The following IQCF1 variants were observed in gnomAD, a reference collection of about 807,000 sequenced individuals.
The protein encoded by IQCF1 is IQ motif containing F1.
IQCF1 carries 9 observed loss-of-function variants against 12.5 expected under a neutral mutation model. The observed-to-expected ratio is 0.72, with a 90% CI of 0.43 to 1.26. The LOEUF is 1.26. Among genes scored for constraint, IQCF1 ranks in the 50% most tolerant of loss-of-function variants. The probability of loss-of-function intolerance (pLI) is 0.00; values close to 1 mark genes in which losing one functional copy is unlikely to be tolerated. For missense variants in IQCF1, 252 were observed against 257.4 expected, an observed-to-expected ratio of 0.98 and a Z score of 0.14; for synonymous variants, 67 against 96.2, an observed-to-expected ratio of 0.70 and a Z score of 1.78.
chr3:51,897,034 T>A, intron 2 of IQCF1, 140 bp from the exon 3 acceptor site: 1 of 705,142 alleles, frequency 1.4e-6, no homozygotes, highest in Non-Finnish European at 2.5e-6. Context: ...GCCTTCTACT[T>A]TTAAACTTAA....
At position 51,903,288 on chromosome 3, in the gene IQCF1, T is replaced by TGG; in HGVS notation, c.-17_-16insCC. ...CTCTTACCATTGGTCACATATGGATTGATTGTAGATGGTTCAAATCCCCTC... is the reference window on the plus strand; with the variant it reads ...CTCTTACCATTGGTCACATATGGATTGGGATTGTAGATGGTTCAAATCCCCTC... On this transcript the variant is annotated 5_prime_UTR_variant, in exon 1 of 4. The change creates a premature stop within an existing upstream ORF in the 5' untranslated region. Coordinates refer to ENST00000310914, the MANE Select transcript of IQCF1 (RefSeq NM_152397.3). 2 of 1,613,948 alleles carry TGG rather than the reference T, an allele frequency of 1.2e-6. No homozygotes were observed. The highest frequency in any genetic ancestry group is 1.7e-6 in the Non-Finnish European group (2 of 1,179,806).
At position 51,896,828 on chromosome 3, in the gene IQCF1, A is replaced by C. The variant is rs1424587426; in HGVS notation, c.171+4T>G. ...CCAGCCCTGTGTGGTTTGGGAGGTC[A>C]TACTTTTTCTGATTTCTCATTGGCA... is the stretch of plus-strand genomic sequence containing the variant. On this transcript the variant is annotated splice_donor_region_variant and intron_variant, in intron 3 of 3. Transcript: ENST00000310914. 1.2e-6 allele frequency: 2 copies of C among 1,610,124 alleles called. No homozygotes were observed. Among genetic ancestry groups the C allele is most frequent in the African/African-American group, 1.3e-5 (1 of 74,808 alleles).
intron 2 of IQCF1, among the ~76,000 whole-genome samples, chr3:51,897,482 T>C (rs574027405): frequency 1.6e-4 from 25 of 152,392 alleles, no homozygotes; most frequent in Admixed American, 3.9e-4. Flanking sequence ...GGGTGGTCTC[T>C]GGTTCTCCAA....
Position 51,894,892 on chromosome 3 carries a change from A to G in IQCF1, c.616T>C (p.Ter206ArgextTer?), listed in dbSNP as rs145152669. 3.6e-5 allele frequency: 58 copies of G among 1,612,576 alleles called. No homozygotes were observed. The African/African-American group carries it at 7.1e-4, about 20-fold the overall frequency. ...GAGACTATCTGGAAAAGACCACTTC[A>G]TTCCTTTATTGAGAAGGGAATACAC... ...TECIPFSIKE* is the reference protein window; with the variant it reads ...TECIPFSIKER The change falls in exon 4 of 4, where the codon TGA (stop) becomes CGA (arginine). Residue 206 changes from the stop codon to arginine (R), a stop_lost. Transcript: ENST00000310914.
intron 3 of IQCF1, among the ~76,000 whole-genome samples, chr3:51,896,206 T>C (rs1699000759): frequency 6.6e-6 from 1 of 152,340 alleles, no homozygotes. Flanking sequence ...CACAATCTTT[T>C]ATCTTAACCC....
At chr3:51,901,627 G>A (rs1424788149) in intron 2 of IQCF1, among the ~76,000 whole-genome samples, 6 of 152,142 alleles carry the variant, frequency 3.9e-5, no homozygotes, top group Admixed American at 3.3e-4. Flanking sequence ...ATAAGACATC[G>A]TAAAGTGAGA....
chr3:51,902,945 G>T, intron 2 of IQCF1, 40 bp downstream of exon 2: 1 of 1,442,432 alleles, frequency 6.9e-7, no homozygotes, highest in Non-Finnish European at 9.8e-7. Context: ...CTAGCACTAG[G>T]ACATGGGATC....
At chr3:51,901,090 A>C (rs1699070460) in intron 2 of IQCF1, among the ~76,000 whole-genome samples, 1 of 152,218 alleles carries the variant, frequency 6.6e-6, no homozygotes, top group African/African-American at 2.4e-5. Flanking sequence ...CCAAGATGCA[A>C]ATGTCTGGTT....
chr3:51,902,103 A>G (rs1187937920), intron 2 of IQCF1, among the ~76,000 whole-genome samples: 1 of 152,218 alleles, frequency 6.6e-6, no homozygotes, highest in Admixed American at 6.5e-5. Flanking sequence ...AAAGTGGTTC[A>G]GTAAATGGAA....
At chr3:51,902,951 G>C (rs2106647454) in intron 2 of IQCF1, 34 bp downstream of exon 2, 1 of 1,488,420 alleles carries the variant, frequency 6.7e-7, no homozygotes, top group East Asian at 2.3e-5. Flanking sequence ...CTAGGACATG[G>C]GATCAATGAC....
chr3:51,902,158 G>A (rs1252451142), intron 2 of IQCF1, among the ~76,000 whole-genome samples: 3 of 152,204 alleles, frequency 2.0e-5, no homozygotes, highest in Non-Finnish European at 4.4e-5. Flanking sequence ...GCCGCAATGG[G>A]TGTATTTATT....
chr3:51,897,858 C>T (rs918782277), intron 2 of IQCF1, among the ~76,000 whole-genome samples: 3 of 152,144 alleles, frequency 2.0e-5, no homozygotes, highest in Admixed American at 6.5e-5. Context: ...ACACTTAGGG[C>T]GGATCCTGCC....
chr3:51,898,603 A>T (rs1699039783), intron 2 of IQCF1, among the ~76,000 whole-genome samples: 1 of 151,986 alleles, frequency 6.6e-6, no homozygotes, highest in Non-Finnish European at 1.5e-5. Context: ...TCAGGTCAGA[A>T]CTATCCTAAG....
intron 2 of IQCF1, 37 bp from the exon 3 acceptor site, chr3:51,896,931 G>A (rs750061343): frequency 1.3e-6 from 2 of 1,524,506 alleles, no homozygotes; most frequent in South Asian, 1.1e-5. Context: ...AGACAAGATT[G>A]AGTTGTTTAT....
chr3:51,895,244 C>T lies in IQCF1; in HGVS notation c.264G>A (p.Leu88=). 1.2e-6 allele frequency: 2 copies of T among 1,614,220 alleles called. No individual in the cohort carries two copies. Among genetic ancestry groups the T allele is most frequent in the Non-Finnish European group, 1.7e-6 (2 of 1,180,034 alleles). Residue 88 remains leucine (L), a synonymous_variant, in exon 4 of 4, where the codon CTG becomes CTA. Coordinates refer to ENST00000310914, the MANE Select transcript of IQCF1 (RefSeq NM_152397.3). The surrounding 1 kb of genome is among the most constrained non-coding windows in gnomAD (Gnocchi z 4.8). ...TGCAGGCACTGAGGGCTGCGTGCAA[C>T]AGTGCCCGACGCACCAGGGTGCCCC... ...WWRGTLVRRA[L]LHAALSACII...
At chr3:51,897,097 C>A (rs540682867) in intron 2 of IQCF1, among the ~76,000 whole-genome samples, 2 of 152,158 alleles carry the variant, frequency 1.3e-5, no homozygotes, top group Admixed American at 6.5e-5. Context: ...GACTCATTCC[C>A]ATTACCTGCT....
In IQCF1 at chr3:51,896,860, ACTGT is replaced by A. The variant is rs1290113463; in HGVS notation, c.139_142del (p.Thr47TrpfsTer24). 6.2e-7 allele frequency: 1 copy of A among 1,613,466 alleles called. No homozygotes were observed. Among genetic ancestry groups the A allele is most frequent in the Non-Finnish European group, 8.5e-7 (1 of 1,179,544 alleles). ...TTCTGATTTCTCATTGGCATTGTCC[ACTGT>A]CTGTGTCTCAACCAGAACTGGAGTT... is the stretch of plus-strand genomic sequence containing the variant. On this transcript the variant is annotated frameshift_variant, in exon 3 of 4. Transcript: ENST00000310914. LOFTEE classifies it low-confidence loss of function (END_TRUNC).
chr3:51,896,780 G>T, intron 3 of IQCF1, 52 bp downstream of exon 3: 1 of 1,366,588 alleles, frequency 7.3e-7, no homozygotes, highest in Non-Finnish European at 1.0e-6. Flanking sequence ...CATTCCACCA[G>T]CACAGCCCCC....
At chr3:51,897,566 TAACGC>T (rs1699024281) in intron 2 of IQCF1, among the ~76,000 whole-genome samples, 2 of 152,088 alleles carry the variant, frequency 1.3e-5, no homozygotes, top group Non-Finnish European at 2.9e-5. Context: ...GTGTGAGGAA[TAACGC>T]AACGCGAGCT....
Sources: gnomAD v4.1 joint callset for allele counts (sites outside exome capture counted in the v4.1 genomes callset) on GRCh38, gnomAD v4.1.1 for gene constraint, Gnocchi (gnomAD v3.1) non-coding constraint, MANE v1.5 for transcripts, NCBI Gene and HGNC (gene_info 2026-07-23, HGNC 2026-07-21) for gene names.